The following EXOC3L1 variants were observed in gnomAD, a reference collection of about 807,000 sequenced individuals.
EXOC3L1 encodes exocyst complex component 3 like 1, also known as exocyst complex component 3-like protein.
A neutral mutation model predicts 83.6 loss-of-function variants in EXOC3L1; 79 were observed. That is an observed-to-expected ratio of 0.95 (90% confidence interval 0.79 to 1.14). EXOC3L1 has a LOEUF of 1.14. Among genes scored for constraint, EXOC3L1 ranks in the 50% most tolerant of loss-of-function variants. The pLI is 0.00. For missense variants in EXOC3L1, 945 were observed against 972.0 expected, an observed-to-expected ratio of 0.97 and a Z score of 0.37; for synonymous variants, 433 against 451.2, an observed-to-expected ratio of 0.96 and a Z score of 0.51.
intron 1 of EXOC3L1, 94 bp from the exon 2 acceptor site, chr16:67,189,777 G>T: frequency 7.8e-7 from 1 of 1,288,676 alleles, no homozygotes; most frequent in Non-Finnish European, 1.1e-6. Context: ...TCTGAGAGGA[G>T]GAAGGAGGTT....
rs377007130 is a variant in EXOC3L1 at position 67,185,243 on chromosome 16, G to T, written c.1642C>A (p.Leu548Met). 2 of 1,613,572 alleles carry T rather than the reference G, an allele frequency of 1.2e-6. No individual in the cohort carries two copies. The highest frequency in any genetic ancestry group is 2.2e-5 in the East Asian group (1 of 44,882). The change falls in exon 11 of 14, where the codon CTG becomes ATG. Residue 548 changes from leucine to methionine, a missense_variant. Leu to Met is a conservative substitution (Grantham distance 15). Coordinates refer to ENST00000314586, the MANE Select transcript of EXOC3L1 (RefSeq NM_178516.4). ...QAELQPLFAD[L>M]PSRQWLSSPE... ...CTCGACAGCCATTGGCGCGAGGGCA[G>T]ATCCGCGAACAGGGGCTGGGGAAAT...
At position 67,189,051 on chromosome 16, in the gene EXOC3L1, T is replaced by C. The variant is rs1451596757; in HGVS notation, c.176A>G (p.Gln59Arg). Residue 59 changes from glutamine to arginine, a missense_variant, in exon 3 of 14, where the codon CAG becomes CGG. Transcript: ENST00000314586. ...RLGQYRSREV[Q>R]RTCSLESRLK... ...GCGCGATTCCAGGGAGCAGGTACGC[T>C]GCACCTCGCGGCTGCGGTACTGGCC... 2 of 1,607,650 alleles carry C rather than the reference T, an allele frequency of 1.2e-6. No individual in the cohort carries two copies. Among genetic ancestry groups the C allele is most frequent in the African/African-American group, 2.7e-5 (2 of 74,826 alleles).
intron 9 of EXOC3L1, 35 bp from the exon 10 acceptor site, chr16:67,185,525 GC>G: frequency 6.3e-7 from 1 of 1,591,078 alleles, no homozygotes. Flanking sequence ...CAGGACCAAG[GC>G]CAAGGCCCGC....
intron 4 of EXOC3L1, 52 bp downstream of exon 4, chr16:67,188,669 T>C: frequency 6.5e-7 from 1 of 1,526,724 alleles, no homozygotes; most frequent in South Asian, 1.1e-5. Flanking sequence ...TAGGGATGGG[T>C]GTTTGTGGAC....
chr16:67,189,196 C>G lies in EXOC3L1; in HGVS notation c.47-16G>C. 1.3e-6 allele frequency: 2 copies of G among 1,585,326 alleles called. No individual in the cohort carries two copies. Among genetic ancestry groups the G allele is most frequent in the East Asian group, 4.5e-5 (2 of 44,314 alleles). ...CACTCAGGTCCTGGGAAGGAAGAGC[C>G]TGGGCAGCCGTGTAGTCAGGGAGGA... is the stretch of plus-strand genomic sequence containing the variant. On this transcript the variant is annotated splice_polypyrimidine_tract_variant and intron_variant, in intron 2 of 13. Transcript: ENST00000314586.
At chr16:67,187,197 C>A (rs1308151289) in intron 5 of EXOC3L1, 28 bp downstream of exon 5, 2 of 1,610,012 alleles carry the variant, frequency 1.2e-6, no homozygotes, top group Non-Finnish European at 1.7e-6. Flanking sequence ...TCTGATCCCC[C>A]ATGTCCCGCT....
chr16:67,184,906 C>T lies in EXOC3L1; in HGVS notation c.1901G>A (p.Ser634Asn), dbSNP rs745426514. ...GCCCGCCCAAGAAGCTCTCACCAAACTGAGGAAAAGCTGCTGAAGCTGGGC... is the reference window on the plus strand; with the variant it reads ...GCCCGCCCAAGAAGCTCTCACCAAATTGAGGAAAAGCTGCTGAAGCTGGGC... ...DAAQLQQLFL[S>N]LGLEENAHCA... Residue 634 changes from serine to asparagine, a missense_variant, in exon 12 of 14, where the codon AGT becomes AAT. Transcript: ENST00000314586. 1.9e-6 allele frequency: 3 copies of T among 1,612,440 alleles called. No homozygotes were observed. The highest frequency in any genetic ancestry group is 2.5e-6 in the Non-Finnish European group (3 of 1,179,802).
chr16:67,189,057 T>A lies in EXOC3L1; in HGVS notation c.170A>T (p.Glu57Val). The stretch of plus-strand genomic sequence containing the variant: ...TTCCAGGGAGCAGGTACGCTGCACC[T>A]CGCGGCTGCGGTACTGGCCTAGCCT... ...LARLGQYRSR[E>V]VQRTCSLESR... Residue 57 changes from glutamate (E) to valine (V), a missense_variant, in exon 3 of 14, where the codon GAG becomes GTG. Glu to Val is a moderately radical substitution (Grantham distance 121, BLOSUM62 -2). Coordinates refer to ENST00000314586, the MANE Select transcript of EXOC3L1 (RefSeq NM_178516.4). 1 of 1,607,234 alleles carries A rather than the reference T, an allele frequency of 6.2e-7. No individual in the cohort carries two copies. Among genetic ancestry groups the A allele is most frequent in the Non-Finnish European group, 8.5e-7 (1 of 1,177,494 alleles).
rs373832343 is a variant in EXOC3L1, at chr16:67,188,544, G to A, written c.427+177C>T. ...CTGTCCTGACTCAAGCATCCCACACGTGGGAATCCCAGGATGAGCTGCCTC... is the reference window on the plus strand; with the variant it reads ...CTGTCCTGACTCAAGCATCCCACACATGGGAATCCCAGGATGAGCTGCCTC... On this transcript the variant is annotated intron_variant, in intron 4 of 13. Transcript: ENST00000314586. Among the ~76,000 whole-genome samples, 168 of 152,328 alleles carry A rather than the reference G, an allele frequency of 1.1e-3. 1 individual carries two copies. The Middle Eastern group carries it at 0.034, about 31-fold the overall frequency.
rs542335656 is a variant in EXOC3L1 at position 67,186,318 on chromosome 16, C to A, written c.1415G>T (p.Arg472Leu). 1.9e-6 allele frequency: 3 copies of A among 1,567,294 alleles called. No individual in the cohort carries two copies. The highest frequency in any genetic ancestry group is 2.7e-5 in the African/African-American group (2 of 73,762). ...SFSDALIRFS[R>L]DHFRGKSMAP... is the part of the protein sequence containing the mutation. ...CATTGATTTCCCCCTGAAGTGGTCT[C>A]GGGAGAATCGGATCAGAGCATCACT... Residue 472 changes from arginine to leucine, a missense_variant, in exon 9 of 14, where the codon CGA becomes CTA. Physicochemically the swap from Arg to Leu is moderately radical, Grantham distance 102. Transcript: ENST00000314586.
intron 9 of EXOC3L1, 156 bp from the exon 10 acceptor site, chr16:67,185,646 G>GGCTGGGAGACGGGC (rs1375999553): frequency 1.5e-6 from 1 of 686,964 alleles, no homozygotes; most frequent in Non-Finnish European, 2.4e-6. Context: ...CATGGACCAG[G>GGCTGGGAGACGGGC]GCTGGGAGAC....
chr16:67,186,501 T>A, intron 8 of EXOC3L1, 56 bp downstream of exon 8: 1 of 1,576,846 alleles, frequency 6.3e-7, no homozygotes, highest in South Asian at 1.1e-5. Flanking sequence ...AGAGCCCCTT[T>A]GGGCTGCCTG....
intron 1 of EXOC3L1, 32 bp from the exon 2 acceptor site, chr16:67,189,715 G>A (rs73586915): frequency 1.9e-6 from 3 of 1,610,372 alleles, no homozygotes; most frequent in African/African-American, 2.7e-5. Context: ...TGGGCCCGGG[G>A]CAAGCAGGCA....
chr16:67,189,230 C>T (rs752592919), intron 2 of EXOC3L1, 50 bp from the exon 3 acceptor site: 113 of 1,488,728 alleles, frequency 7.6e-5, no homozygotes, highest in South Asian at 1.0e-4. Flanking sequence ...GAGGGCCCAA[C>T]GACCCCAGTC....
In EXOC3L1 at chr16:67,187,257, G is replaced by A. The variant is rs28503242; in HGVS notation, c.1008C>T (p.Ala336=). 1.3e-3 allele frequency: 2,153 copies of A among 1,612,434 alleles called. 23 individuals are homozygous for A. The African/African-American group carries it at 0.024, about 18-fold the overall frequency. ...ACACATGCAGTGCCCAGTGCAGCAA[G>A]GCGAAGGCATCCGCAGCTTCTAGCT... ...GPELEAADAF[A]LLHWALHVYL... The change falls in exon 5 of 14, where the codon GCC becomes GCT. Residue 336 remains alanine (A), a synonymous_variant. Transcript: ENST00000314586.
At position 67,187,728 on chromosome 16, in the gene EXOC3L1, G is replaced by A. The variant is rs2032769870; in HGVS notation, c.537C>T (p.Pro179=). 1 of 1,613,042 alleles carries A rather than the reference G, an allele frequency of 6.2e-7. No individual in the cohort carries two copies. The highest frequency in any genetic ancestry group is 8.5e-7 in the Non-Finnish European group (1 of 1,180,016). ...LEQLREDTWA[P]LGGLELPVFQ... is the part of the protein sequence containing the mutation. ...AGACTGGCAACTCCAGGCCCCCCAG[G>A]GGTGCCCACGTATCCTCTCGCAGCT... The change falls in exon 5 of 14, where the codon CCC becomes CCT. Residue 179 remains proline, a synonymous_variant. Coordinates refer to ENST00000314586, the MANE Select transcript of EXOC3L1 (RefSeq NM_178516.4).
In EXOC3L1 at chr16:67,186,593, C is replaced by G. The variant is rs367664537; in HGVS notation, c.1349G>C (p.Gly450Ala). 3 of 1,614,082 alleles carry G rather than the reference C, an allele frequency of 1.9e-6. No individual in the cohort carries two copies. Among genetic ancestry groups the G allele is most frequent in the African/African-American group, 1.3e-5 (1 of 75,030 alleles). Residue 450 changes from glycine (G) to alanine (A), a missense_variant, in exon 8 of 14, where the codon GGC becomes GCC. Gly to Ala is a moderately conservative substitution (Grantham distance 60). Transcript: ENST00000314586. ...TGTGCCCAGTTCTGACAGTGCCATG[C>G]CATGCACTCGCTGTTGCAGTGACTC... Reference protein sequence around the residue: ...VSESLQQRVHGMALSELGTFL... With the variant: ...VSESLQQRVHAMALSELGTFL...
chr16:67,189,792 C>T, intron 1 of EXOC3L1, 109 bp from the exon 2 acceptor site: 1 of 1,141,332 alleles, frequency 8.8e-7, no homozygotes, highest in Non-Finnish European at 1.3e-6. Context: ...GAGGTTCTTC[C>T]CGGCCCCCTC....
At position 67,184,923 on chromosome 16, in the gene EXOC3L1, A is replaced by C; in HGVS notation, c.1884T>G (p.Leu628=). Reference sequence around the variant, plus strand: ...TCACCAAACTGAGGAAAAGCTGCTGAAGCTGGGCAGCATCGTGCCGCAGGC... The same window carrying C: ...TCACCAAACTGAGGAAAAGCTGCTGCAGCTGGGCAGCATCGTGCCGCAGGC... ...AERLRHDAAQ[L]QQLFLSLGLE... Residue 628 remains leucine (L), a synonymous_variant, in exon 12 of 14, where the codon CTT becomes CTG. Coordinates refer to ENST00000314586, the MANE Select transcript of EXOC3L1 (RefSeq NM_178516.4). The C allele has an allele frequency of 6.2e-7, 1 of 1,612,316 alleles. No homozygotes were observed. The highest frequency in any genetic ancestry group is 8.5e-7 in the Non-Finnish European group (1 of 1,179,742).
Sources: allele counts gnomAD v4.1 joint callset (sites outside exome capture counted in the v4.1 genomes callset), GRCh38; gene constraint gnomAD v4.1.1; transcripts MANE v1.5; gene names NCBI Gene and HGNC (gene_info 2026-07-23, HGNC 2026-07-21).